The following SGCD variants were observed in gnomAD, a reference collection of about 807,000 sequenced individuals.
SGCD encodes delta-sarcoglycan.
In SGCD, 18 loss-of-function variants were observed where a neutral mutation model predicts 36.6. The observed-to-expected ratio is 0.49, with a 90% confidence interval of 0.34 to 0.73. The LOEUF (loss-of-function observed/expected upper bound fraction) is 0.73, where lower values mean the gene tolerates loss of function less well. SGCD is among the 30% of genes least tolerant of loss of function. The pLI, the probability that SGCD is intolerant of heterozygous loss-of-function variation, is 0.01. For missense variants in SGCD, 387 were observed against 346.7 expected (o/e 1.12, Z -0.92); for synonymous variants, 133 against 130.6 (o/e 1.02, Z -0.12).
At chr5:155,935,981 G>A (rs542449602) in intron 1 of SGCD, among the ~76,000 whole-genome samples, 4 of 152,288 alleles carry the variant, frequency 2.6e-5, no homozygotes, top group Admixed American at 2.6e-4. Flanking sequence ...CTCCCTGTGA[G>A]GCTGCAGCTG....
intron 3 of SGCD, among the ~76,000 whole-genome samples, chr5:156,272,572 G>A (rs12655476): frequency 0.16 from 24,477 of 152,170 alleles, 2,165 homozygotes; most frequent in Admixed American, 0.21. Context: ...TGAGATCCGC[G>A]TTATGACAAG....
intron 3 of SGCD, among the ~76,000 whole-genome samples, chr5:156,217,014 G>T (rs1312181620): frequency 1.3e-5 from 2 of 152,164 alleles, no homozygotes; most frequent in African/African-American, 4.8e-5. Flanking sequence ...GGAGGCGGAG[G>T]TTGCAGTGAG....
At chr5:155,893,559 G>A (rs1756183200) in intron 1 of SGCD, among the ~76,000 whole-genome samples, 1 of 152,174 alleles carries the variant, frequency 6.6e-6, no homozygotes, top group Non-Finnish European at 1.5e-5. Context: ...AGTTATCCTA[G>A]AGAGGCATAA....
intron 6 of SGCD, among the ~76,000 whole-genome samples, chr5:156,607,971 T>G (rs547532344): frequency 6.6e-6 from 1 of 152,330 alleles, no homozygotes; most frequent in South Asian, 2.1e-4. Flanking sequence ...TCTATCAATT[T>G]TGTTGATCTT....
intron 3 of SGCD, among the ~76,000 whole-genome samples, chr5:156,315,428 G>GT (rs1448286495): frequency 6.6e-6 from 1 of 151,884 alleles, no homozygotes; most frequent in Non-Finnish European, 1.5e-5. Context: ...TGTACTGTGT[G>GT]TATCAATCAC....
At chr5:156,678,751 G>A (rs999615502) in intron 7 of SGCD, among the ~76,000 whole-genome samples, 5 of 152,174 alleles carry the variant, frequency 3.3e-5, no homozygotes, top group Admixed American at 6.5e-5. Flanking sequence ...GGAAGTATAC[G>A]TGAGCAATTG....
At chr5:156,132,579 C>T (rs1020170316) in intron 3 of SGCD, among the ~76,000 whole-genome samples, 1 of 143,948 alleles carries the variant, frequency 6.9e-6, no homozygotes, top group Admixed American at 7.3e-5. Context: ...TGCCATTCTT[C>T]TGCCTCAGCC....
At chr5:156,009,761 T>A (rs1308630769) in intron 1 of SGCD, among the ~76,000 whole-genome samples, 1 of 152,168 alleles carries the variant, frequency 6.6e-6, no homozygotes, top group East Asian at 1.9e-4. Context: ...CTTGAATTAG[T>A]CTAATCTGTC....
intron 6 of SGCD, among the ~76,000 whole-genome samples, chr5:156,613,172 A>C (rs1761893911): frequency 6.6e-6 from 1 of 152,132 alleles, no homozygotes; most frequent in South Asian, 2.1e-4. Flanking sequence ...CTCCAGTTGA[A>C]ATATAGATGT....
chr5:156,553,035 A>G (rs1274868762), intron 4 of SGCD, among the ~76,000 whole-genome samples: 1 of 152,232 alleles, frequency 6.6e-6, no homozygotes, highest in Non-Finnish European at 1.5e-5. Flanking sequence ...TATGAGCCTC[A>G]GGCTGCTTCC....
At chr5:155,874,666 G>A (rs1755728669) in intron 1 of SGCD, among the ~76,000 whole-genome samples, 1 of 152,114 alleles carries the variant, frequency 6.6e-6, no homozygotes, top group South Asian at 2.1e-4. Flanking sequence ...GATGCTCAAT[G>A]TCATTAGTCA....
chr5:156,364,186 T>A (rs1376733540), intron 3 of SGCD, among the ~76,000 whole-genome samples: 1 of 152,200 alleles, frequency 6.6e-6, no homozygotes, highest in Non-Finnish European at 1.5e-5. Context: ...AGCAGAAGTC[T>A]GGGGGAACCT....
chr5:156,548,848 C>T (rs1373109481), intron 4 of SGCD, among the ~76,000 whole-genome samples: 1 of 152,150 alleles, frequency 6.6e-6, no homozygotes, highest in Non-Finnish European at 1.5e-5. Flanking sequence ...GGGCCGGTCT[C>T]TGATCCTGCG....
the SGCD span, among the ~76,000 whole-genome samples, chr5:155,851,289 C>G: frequency 6.6e-6 from 1 of 152,280 alleles, no homozygotes; most frequent in African/African-American, 2.4e-5. Context: ...TGACTTTCAG[C>G]TTTCTGGAGG....
chr5:156,051,771 T>C (rs1019087681), intron 1 of SGCD, among the ~76,000 whole-genome samples: 5 of 145,170 alleles, frequency 3.4e-5, no homozygotes, highest in African/African-American at 9.9e-5. Context: ...AGGAAGGAGA[T>C]TGAAGAGTTT....
At chr5:155,766,230 A>G in the SGCD span, among the ~76,000 whole-genome samples, 1 of 152,188 alleles carries the variant, frequency 6.6e-6, no homozygotes, top group Non-Finnish European at 1.5e-5. Context: ...AGTCCAATCC[A>G]CATACATTCA....
chr5:156,471,906 A>T (rs985326642), intron 3 of SGCD, among the ~76,000 whole-genome samples: 2 of 148,068 alleles, frequency 1.4e-5, no homozygotes, highest in Non-Finnish European at 2.9e-5. Context: ...TGTATAAATG[A>T]TTTGTATAAT....
chr5:155,915,638 T>C (rs185951345), intron 1 of SGCD, among the ~76,000 whole-genome samples: 1 of 152,314 alleles, frequency 6.6e-6, no homozygotes, highest in East Asian at 1.9e-4. Flanking sequence ...CAATTTGTGG[T>C]TTAGGTTTTT....
Position 156,344,517 on chromosome 5 carries a change from G to A in SGCD, c.32G>A (p.Arg11Gln), listed in dbSNP as rs752548592. 33 of 1,606,788 alleles carry A rather than the reference G, an allele frequency of 2.1e-5. No individual in the cohort carries two copies. The Middle Eastern group carries it at 5.0e-4, about 24-fold the overall frequency. ...CCTCAGGAGCAGTACACTCACCACC[G>A]GAGCACCATGCCTGGCTCTGTGGGG... is the stretch of plus-strand genomic sequence containing the variant. MMPQEQYTHH[R>Q]STMPGSVGPQ... The change falls in exon 3 of 9, where the codon CGG becomes CAG. Residue 11 changes from arginine (R) to glutamine (Q), a missense_variant. Transcript: ENST00000337851.
Sources: gnomAD v4.1 joint callset for allele counts (sites outside exome capture counted in the v4.1 genomes callset) on GRCh38, gnomAD v4.1.1 for gene constraint, MANE v1.5 for transcripts, NCBI Gene and HGNC (gene_info 2026-07-23, HGNC 2026-07-21) for gene names.